The following SKAP2 variants were observed in gnomAD, a reference collection of about 807,000 sequenced individuals.
SKAP2 encodes the protein src kinase-associated phosphoprotein 2.
A neutral mutation model predicts 54.9 loss-of-function variants in SKAP2; 28 were observed. The ratio of observed to expected loss-of-function variants is 0.51; its 90% CI spans 0.38 to 0.70. The LOEUF (loss-of-function observed/expected upper bound fraction) is 0.70, where lower values mean the gene tolerates loss of function less well. Among genes scored for constraint, SKAP2 ranks in the 30% least tolerant of loss-of-function variants. The probability of loss-of-function intolerance (pLI) is 0.00; values close to 1 mark genes in which losing one functional copy is unlikely to be tolerated. For synonymous variants in SKAP2, 137 were observed against 134.3 expected (o/e 1.02, Z -0.14); for missense variants, 356 against 424.1 (o/e 0.84, Z 1.41).
chr7:26,714,648 T>C (rs1180699559), intron 9 of SKAP2, among the ~76,000 whole-genome samples: 1 of 152,206 alleles, frequency 6.6e-6, no homozygotes, highest in African/African-American at 2.4e-5. Context: ...TGAGTACTCT[T>C]AGGAAGTTGA....
intron 4 of SKAP2, among the ~76,000 whole-genome samples, chr7:26,803,251 A>G (rs1783952894): frequency 6.6e-6 from 1 of 152,220 alleles, no homozygotes; most frequent in East Asian, 1.9e-4. Flanking sequence ...AGACTACATA[A>G]GGAGCTCAAA....
At chr7:26,798,682 C>G (rs1443455052) in intron 4 of SKAP2, among the ~76,000 whole-genome samples, 1 of 151,922 alleles carries the variant, frequency 6.6e-6, no homozygotes, top group Non-Finnish European at 1.5e-5. Flanking sequence ...AAATGATGAA[C>G]CAATCAAAAA....
rs1167122083 is a variant in SKAP2 at position 26,672,141 on chromosome 7, T to TA, written c.988-1950_988-1949insT. Among the ~76,000 whole-genome samples the TA allele has an allele frequency of 9.9e-4, 151 of 152,126 alleles. 2 individuals are homozygous for TA. The highest frequency in any genetic ancestry group is 3.6e-3 in the African/African-American group (149 of 41,542). The stretch of plus-strand genomic sequence containing the variant: ...GAGAAGACATATTATTGGCATAAAC[T>TA]TGCTTCCAGAGAATGGCCCTCAATC... On this transcript the variant is annotated intron_variant, in intron 11 of 12. Transcript: ENST00000345317.
chr7:26,683,742 G>A (rs1786567173), intron 11 of SKAP2, among the ~76,000 whole-genome samples: 2 of 152,128 alleles, frequency 1.3e-5, no homozygotes, highest in African/African-American at 4.8e-5. Flanking sequence ...TCTGTGTTAT[G>A]ATTTTATGCA....
At chr7:26,700,145 G>A (rs1426996973) in intron 9 of SKAP2, among the ~76,000 whole-genome samples, 1 of 152,070 alleles carries the variant, frequency 6.6e-6, no homozygotes, top group Non-Finnish European at 1.5e-5. Context: ...AAAGCCCTAA[G>A]GTATTCATAA....
intron 5 of SKAP2, 53 bp from the exon 6 acceptor site, chr7:26,738,931 G>A: frequency 9.8e-7 from 1 of 1,019,784 alleles, no homozygotes; most frequent in Non-Finnish European, 1.6e-6. Flanking sequence ...AAAAGAAAAA[G>A]TTAATTAATA....
At chr7:26,724,975 A>G (rs1787669060) in intron 9 of SKAP2, among the ~76,000 whole-genome samples, 1 of 152,080 alleles carries the variant, frequency 6.6e-6, no homozygotes, top group Admixed American at 6.6e-5. Flanking sequence ...AGACAGTGCA[A>G]TATACTACAA....
chr7:26,802,056 A>G (rs1420826969), intron 4 of SKAP2, among the ~76,000 whole-genome samples: 1 of 152,212 alleles, frequency 6.6e-6, no homozygotes, highest in Non-Finnish European at 1.5e-5. Context: ...TGTTACCCTA[A>G]GCAAAAAGAA....
chr7:26,806,639 T>C lies in SKAP2; in HGVS notation c.307+37391A>G, dbSNP rs1005620189. 3.3e-5 allele frequency among the ~76,000 whole-genome samples: 5 copies of C among 152,110 alleles called. No individual in the cohort carries two copies. The East Asian group carries it at 5.8e-4, about 18-fold the overall frequency. On this transcript the variant is annotated intron_variant, in intron 4 of 12. Transcript: ENST00000345317. ...AGTTGTGAATGCAAAGGTAAAGTCATTGAAGGTAAATACAAGTGCTGCTCT... is the reference window on the plus strand; with the variant it reads ...AGTTGTGAATGCAAAGGTAAAGTCACTGAAGGTAAATACAAGTGCTGCTCT...
At chr7:26,773,513 T>C (rs1783234486) in intron 4 of SKAP2, among the ~76,000 whole-genome samples, 1 of 152,224 alleles carries the variant, frequency 6.6e-6, no homozygotes, top group African/African-American at 2.4e-5. Context: ...TACAACTGGA[T>C]AGCAGGATAA....
At chr7:26,816,428 TTAAGA>T (rs1384167142) in intron 4 of SKAP2, among the ~76,000 whole-genome samples, 1 of 152,074 alleles carries the variant, frequency 6.6e-6, no homozygotes, top group Non-Finnish European at 1.5e-5. Context: ...AGGCCAGATA[TTAAGA>T]TAAGAATATT....
intron 9 of SKAP2, among the ~76,000 whole-genome samples, chr7:26,711,441 T>C (rs956795006): frequency 6.6e-6 from 1 of 152,222 alleles, no homozygotes; most frequent in African/African-American, 2.4e-5. Context: ...AGCGACTTTG[T>C]GGACAAAAAA....
intron 3 of SKAP2, among the ~76,000 whole-genome samples, chr7:26,845,152 C>G (rs202131993): frequency 1.3e-5 from 2 of 152,098 alleles, no homozygotes; most frequent in East Asian, 3.9e-4. Flanking sequence ...AAGGAAAATC[C>G]CCATAGGAAC....
intron 4 of SKAP2, among the ~76,000 whole-genome samples, chr7:26,836,760 A>G (rs974027393): frequency 6.6e-6 from 1 of 152,236 alleles, no homozygotes; most frequent in African/African-American, 2.4e-5. Context: ...TAGTTCAACC[A>G]TTGTGGAAGA....
intron 7 of SKAP2, among the ~76,000 whole-genome samples, chr7:26,726,245 G>C (rs1787705732): frequency 6.6e-6 from 1 of 152,098 alleles, no homozygotes; most frequent in Non-Finnish European, 1.5e-5. Context: ...CAATGTCAAA[G>C]ACAGAACTGA....
rs150278849 is a variant in SKAP2 at position 26,726,280 on chromosome 7, T to C, written c.595-294A>G. 4.8e-3 allele frequency among the ~76,000 whole-genome samples: 731 copies of C among 152,258 alleles called. 5 individuals are homozygous for C. Among genetic ancestry groups the C allele is most frequent in the African/African-American group, 0.017 (691 of 41,562 alleles). Reference sequence around the variant, plus strand: ...ATGAACAAAATTTGCCCTTGACAATTAGAAGACACCCATGAATTTCTTTAG... The same window carrying C: ...ATGAACAAAATTTGCCCTTGACAATCAGAAGACACCCATGAATTTCTTTAG... On this transcript the variant is annotated intron_variant, in intron 7 of 12. Transcript: ENST00000345317.
intron 4 of SKAP2, among the ~76,000 whole-genome samples, chr7:26,830,087 G>C (rs1784568684): frequency 6.6e-6 from 1 of 152,166 alleles, no homozygotes; most frequent in Non-Finnish European, 1.5e-5. Context: ...CTGGTAATAT[G>C]CTGGATGAAC....
At chr7:26,789,740 G>A (rs371586172) in intron 4 of SKAP2, among the ~76,000 whole-genome samples, 15 of 152,140 alleles carry the variant, frequency 9.9e-5, no homozygotes, top group East Asian at 1.9e-4. Flanking sequence ...GTTTAATGCC[G>A]CACTAATTAT....
intron 1 of SKAP2, among the ~76,000 whole-genome samples, chr7:26,858,795 G>C (rs1785225696): frequency 6.6e-6 from 1 of 152,152 alleles, no homozygotes; most frequent in Non-Finnish European, 1.5e-5. Context: ...AAATGATAAA[G>C]TAACTCTCAG....
Sources: allele counts gnomAD v4.1 joint callset (sites outside exome capture counted in the v4.1 genomes callset), GRCh38; gene constraint gnomAD v4.1.1; transcripts MANE v1.5; gene names NCBI Gene and HGNC (gene_info 2026-07-23, HGNC 2026-07-21).